STX8: variants seen among roughly 807,000 people sequenced by gnomAD.
STX8 encodes syntaxin 8.
A neutral mutation model predicts 37.5 loss-of-function variants in STX8; 23 were observed. The observed-to-expected ratio is 0.61, with a 90% confidence interval of 0.44 to 0.87. The LOEUF is 0.87. Among genes scored for constraint, STX8 ranks in the 40% least tolerant of loss-of-function variants. The pLI is 0.00. For missense variants in STX8, 313 were observed against 284.7 expected (o/e 1.10, Z -0.71); for synonymous variants, 115 against 99.1 (o/e 1.16, Z -0.95).
At chr17:9,492,301 C>T (rs1320978821) in intron 5 of STX8, among the ~76,000 whole-genome samples, 2 of 152,116 alleles carry the variant, frequency 1.3e-5, no homozygotes, top group African/African-American at 2.4e-5. Flanking sequence ...AAAGTTTTAA[C>T]ATCGCTACTA....
chr17:9,422,747 G>A (rs753009713), intron 6 of STX8, among the ~76,000 whole-genome samples: 7 of 152,320 alleles, frequency 4.6e-5, no homozygotes, highest in Middle Eastern at 3.4e-3. Context: ...CAGATCACAC[G>A]GCCTGGCCCA....
chr17:9,382,540 T>C (rs1418948206), intron 6 of STX8, among the ~76,000 whole-genome samples: 1 of 152,224 alleles, frequency 6.6e-6, no homozygotes, highest in Non-Finnish European at 1.5e-5. Flanking sequence ...CATCAACTCG[T>C]CATTTACATT....
rs1421627203 is a variant in STX8 at position 9,507,215 on chromosome 17, A to C, written c.324-2053T>G. Among the ~76,000 whole-genome samples the C allele has an allele frequency of 3.3e-5, 5 of 149,462 alleles. No individual in the cohort carries two copies. On this transcript the variant is annotated intron_variant, in intron 4 of 7. Coordinates refer to ENST00000306357, the MANE Select transcript of STX8 (RefSeq NM_004853.3). This position sits in a 1 kb window ranked among gnomAD's most constrained non-coding sequence, Gnocchi z 4.0. The stretch of plus-strand genomic sequence containing the variant: ...ACAGACATGCCCCCGGCCTGCCCAA[A>C]GGCCCCACACCTCAATCAGGGCCTG...
At chr17:9,393,110 G>C (rs1912283137) in intron 6 of STX8, among the ~76,000 whole-genome samples, 1 of 152,052 alleles carries the variant, frequency 6.6e-6, no homozygotes, top group East Asian at 1.9e-4. Context: ...CACAACCAAA[G>C]AAAAACAACA....
chr17:9,365,191 A>G (rs1479866726), intron 7 of STX8, among the ~76,000 whole-genome samples: 1 of 152,252 alleles, frequency 6.6e-6, no homozygotes, highest in African/African-American at 2.4e-5. Flanking sequence ...TTTATTGTCA[A>G]CATTAAAATA....
At chr17:9,295,752 C>G (rs113002844) in intron 7 of STX8, among the ~76,000 whole-genome samples, 28,364 of 149,560 alleles carry the variant, frequency 0.19, 3,456 homozygotes, top group Non-Finnish European at 0.26. Context: ...CCCTCCCCCC[C>G]AAAAAAAGGA....
chr17:9,429,169 C>T (rs558582136), intron 6 of STX8, among the ~76,000 whole-genome samples: 35 of 151,368 alleles, frequency 2.3e-4, no homozygotes, highest in Non-Finnish European at 3.2e-4. Context: ...CAAATTTACC[C>T]ATTTAAACTG....
intron 7 of STX8, among the ~76,000 whole-genome samples, chr17:9,329,497 A>G (rs928134596): frequency 6.6e-6 from 1 of 152,228 alleles, no homozygotes; most frequent in African/African-American, 2.4e-5. Flanking sequence ...CACTGGATCC[A>G]GGACAGGGCC....
intron 4 of STX8, among the ~76,000 whole-genome samples, chr17:9,537,036 C>T (rs143098534): frequency 4.3e-4 from 66 of 152,342 alleles, no homozygotes; most frequent in African/African-American, 1.5e-3. Context: ...GCATGAGCCA[C>T]CGCATCCAGC....
chr17:9,435,640 A>T, intron 6 of STX8, among the ~76,000 whole-genome samples: 1 of 152,204 alleles, frequency 6.6e-6, no homozygotes, highest in Non-Finnish European at 1.5e-5. Context: ...GGAAACTTAC[A>T]TGGAGTAGAA....
At chr17:9,331,530 A>G (rs757086917) in intron 7 of STX8, among the ~76,000 whole-genome samples, 4 of 152,232 alleles carry the variant, frequency 2.6e-5, no homozygotes, top group Admixed American at 6.5e-5. Flanking sequence ...TGGGATGAAT[A>G]CTAAAGCAGG....
chr17:9,449,293 G>C (rs557613799), intron 6 of STX8, among the ~76,000 whole-genome samples: 3 of 152,346 alleles, frequency 2.0e-5, no homozygotes, highest in Admixed American at 2.0e-4. Flanking sequence ...GGGTGCGGTG[G>C]CTCACACCTA....
At chr17:9,327,272 G>A (rs1013994187) in intron 7 of STX8, among the ~76,000 whole-genome samples, 4 of 149,730 alleles carry the variant, frequency 2.7e-5, no homozygotes, top group Admixed American at 6.7e-5. Context: ...GAGGAGGAAG[G>A]AGGAAGAAGG....
At chr17:9,388,467 C>T (rs1177686773) in intron 6 of STX8, among the ~76,000 whole-genome samples, 3 of 151,900 alleles carry the variant, frequency 2.0e-5, no homozygotes, top group African/African-American at 7.3e-5. Context: ...CCCAGTATAA[C>T]AACAGTGTAA....
chr17:9,488,819 AGAGTGTGT>A (rs1289088838), intron 6 of STX8, among the ~76,000 whole-genome samples: 1 of 92,430 alleles, frequency 1.1e-5, no homozygotes, highest in Non-Finnish European at 2.6e-5. Context: ...AGAGAGAGAG[AGAGTGTGT>A]GTGTGTGTGT....
At chr17:9,300,828 TTC>T (rs1466601541) in intron 7 of STX8, among the ~76,000 whole-genome samples, 10 of 132,926 alleles carry the variant, frequency 7.5e-5, no homozygotes, top group African/African-American at 2.4e-4. Flanking sequence ...TCTTATTTTG[TTC>T]TTTTTTTTTT....
chr17:9,449,701 T>C (rs575107157), intron 6 of STX8, among the ~76,000 whole-genome samples: 1 of 152,158 alleles, frequency 6.6e-6, no homozygotes, highest in South Asian at 2.1e-4. Flanking sequence ...AGCAGCCAGA[T>C]ACAAAAAGCT....
intron 7 of STX8, among the ~76,000 whole-genome samples, chr17:9,293,340 C>G (rs1226860293): frequency 6.6e-6 from 1 of 152,146 alleles, no homozygotes; most frequent in Non-Finnish European, 1.5e-5. Context: ...GGATTCCAAT[C>G]CAGAAAGTCA....
chr17:9,559,712 C>T (rs1464947619), intron 2 of STX8, among the ~76,000 whole-genome samples: 2 of 125,288 alleles, frequency 1.6e-5, no homozygotes, highest in African/African-American at 3.1e-5. Context: ...TTAAGAGAAT[C>T]AACTGAAAGA....
Sources: allele counts gnomAD v4.1 joint callset (sites outside exome capture counted in the v4.1 genomes callset), GRCh38; gene constraint gnomAD v4.1.1; non-coding constraint Gnocchi (gnomAD v3.1); transcripts MANE v1.5; gene names NCBI Gene and HGNC (gene_info 2026-07-23, HGNC 2026-07-21).